Variants in PDS5B observed in about 807,000 individuals in gnomAD.
PDS5B encodes the protein PDS5 cohesin associated factor B.
Under a neutral mutation model 184.1 loss-of-function variants are expected in PDS5B, and 51 were observed. The ratio of observed to expected loss-of-function variants is 0.28; its 90% CI spans 0.22 to 0.35. The LOEUF is 0.35. PDS5B is among the 10% of genes least tolerant of loss of function. The probability of loss-of-function intolerance (pLI) is 1.00; values close to 1 mark genes in which losing one functional copy is unlikely to be tolerated. For synonymous variants in PDS5B, 566 were observed against 569.2 expected, an observed-to-expected ratio of 0.99 and a Z score of 0.08; for missense variants, 1,180 against 1,723.3, an observed-to-expected ratio of 0.68 and a Z score of 5.58.
At chr13:32,610,381 A>T (rs935180972) in intron 1 of PDS5B, among the ~76,000 whole-genome samples, 3 of 152,232 alleles carry the variant, frequency 2.0e-5, no homozygotes, top group Non-Finnish European at 4.4e-5. Flanking sequence ...AAAATACCCT[A>T]TGTAAAGTGC....
intron 19 of PDS5B, among the ~76,000 whole-genome samples, chr13:32,713,795 G>T (rs895312324): frequency 6.6e-6 from 1 of 152,112 alleles, no homozygotes; most frequent in Non-Finnish European, 1.5e-5. Context: ...TGAATCTGGA[G>T]GTGAAGACTC....
chr13:32,659,275 C>G lies in PDS5B; in HGVS notation c.619C>G (p.His207Asp). Residue 207 changes from histidine to aspartate, a missense_variant, in exon 6 of 35, where the codon CAT (histidine) becomes GAT (aspartate). By Grantham distance (81) the His-to-Asp change is moderately conservative. Around this residue, in one of 11 missense-constraint regions of PDS5B, gnomAD observed 79 missense variants for 124.6 expected, o/e 0.63. Transcript: ENST00000315596. ...GGTTTTAGTAAATCTGGTACCTGCT[C>G]ATAAGGTGAGTAGCAATGTATACTG... is the stretch of plus-strand genomic sequence containing the variant. ...DTVLVNLVPA[H>D]KNLNKQAYDL... 1 of 1,583,822 alleles carries G rather than the reference C, an allele frequency of 6.3e-7. No individual in the cohort carries two copies. The highest frequency in any genetic ancestry group is 8.6e-7 in the Non-Finnish European group (1 of 1,160,804).
At chr13:32,766,440 G>C (rs1335124912) in intron 31 of PDS5B, among the ~76,000 whole-genome samples, 1 of 152,176 alleles carries the variant, frequency 6.6e-6, no homozygotes, top group African/African-American at 2.4e-5. Flanking sequence ...TTTGCTATTT[G>C]TTGTGGCATG....
chr13:32,597,347 A>G lies in PDS5B; in HGVS notation c.-20+10754A>G, dbSNP rs571278619. 2.0e-5 allele frequency among the ~76,000 whole-genome samples: 3 copies of G among 151,658 alleles called. No homozygotes were observed. In the South Asian group the frequency reaches 6.2e-4, roughly 32 times the overall value. ...CATGAGCCAGTGTGCCTGGCCCTTTAATTTCTTTTTCACATGTTATTGCAG... is the reference window on the plus strand; with the variant it reads ...CATGAGCCAGTGTGCCTGGCCCTTTGATTTCTTTTTCACATGTTATTGCAG... On this transcript the variant is annotated intron_variant, in intron 1 of 34. Transcript: ENST00000315596.
chr13:32,733,985 A>AACACCCACACACACAC lies in PDS5B; in HGVS notation c.2248-1183_2248-1182insCCACACACACACACAC, dbSNP rs1555312859. ...TCACCCTTCTGATTTCAAAAATTAA[A>AACACCCACACACACAC]ACACACACACACACACACACACACA... is the stretch of plus-strand genomic sequence containing the variant. On this transcript the variant is annotated intron_variant, in intron 20 of 34. Coordinates refer to ENST00000315596, the MANE Select transcript of PDS5B (RefSeq NM_015032.4). 1.2e-3 allele frequency among the ~76,000 whole-genome samples: 167 copies of AACACCCACACACACAC among 142,050 alleles called. 1 individual carries two copies. Among genetic ancestry groups the AACACCCACACACACAC allele is most frequent in the African/African-American group, 4.6e-3 (163 of 35,452 alleles). 93.2% of individuals were successfully genotyped at this position (142,050 alleles called of 152,430 possible).
chr13:32,760,913 G>A (rs1461907277), intron 30 of PDS5B, among the ~76,000 whole-genome samples, 193 bp downstream of exon 30: 1 of 152,154 alleles, frequency 6.6e-6, no homozygotes, highest in Non-Finnish European at 1.5e-5. Context: ...CTCTGTCTTA[G>A]TCTTTCATTC....
chr13:32,740,511 T>G (rs1023334822), intron 21 of PDS5B, among the ~76,000 whole-genome samples: 2 of 152,116 alleles, frequency 1.3e-5, no homozygotes, highest in South Asian at 4.1e-4. Context: ...TTCTTTGACC[T>G]GAGGGTAAAA....
intron 1 of PDS5B, among the ~76,000 whole-genome samples, chr13:32,604,885 T>C (rs2058036332): frequency 6.6e-6 from 1 of 152,230 alleles, no homozygotes; most frequent in Admixed American, 6.5e-5. Flanking sequence ...TATTCTCTGA[T>C]GGTAGTTTGT....
intron 1 of PDS5B, among the ~76,000 whole-genome samples, chr13:32,594,884 T>C (rs1361100106): frequency 2.0e-5 from 3 of 152,186 alleles, no homozygotes; most frequent in Non-Finnish European, 4.4e-5. Context: ...CGTTTTGATA[T>C]AGTTGCTTTT....
At chr13:32,758,510 G>T (rs3752474) in intron 27 of PDS5B, 24 bp from the exon 28 acceptor site, 663,989 of 1,593,656 alleles carry the variant, frequency 0.42, 143,528 homozygotes, top group Non-Finnish European at 0.45. Context: ...AAGTATCTGT[G>T]TTTTTAAAAA....
chr13:32,761,196 A>G (rs1954382396), intron 30 of PDS5B, among the ~76,000 whole-genome samples: 1 of 152,200 alleles, frequency 6.6e-6, no homozygotes, highest in African/African-American at 2.4e-5. Flanking sequence ...GTTTTTTTGA[A>G]GAATATGCAA....
Position 32,770,070 on chromosome 13 carries a change from T to C in PDS5B, c.3625-51T>C, listed in dbSNP as rs761800287. On this transcript the variant is annotated intron_variant, in intron 31 of 34. Coordinates refer to ENST00000315596, the MANE Select transcript of PDS5B (RefSeq NM_015032.4). ...TTTTTTTGTTTCATTCCTCAAAATA[T>C]GTATACTCACAATTTCATAACCATA... 11 of 1,506,066 alleles carry C rather than the reference T, an allele frequency of 7.3e-6. No homozygotes were observed. In the Middle Eastern group the frequency reaches 5.4e-4, roughly 74 times the overall value. 93.3% of individuals were successfully genotyped at this position (1,506,066 alleles called of 1,614,324 possible).
At chr13:32,748,870 A>T (rs1431143966) in intron 24 of PDS5B, among the ~76,000 whole-genome samples, 1 of 152,162 alleles carries the variant, frequency 6.6e-6, no homozygotes, top group East Asian at 1.9e-4. Context: ...CAAAGTACAG[A>T]TAATTCTGTC....
At chr13:32,681,402 T>C (rs535661603) in intron 10 of PDS5B, among the ~76,000 whole-genome samples, 15 of 152,198 alleles carry the variant, frequency 9.9e-5, no homozygotes, top group African/African-American at 3.6e-4. Flanking sequence ...GCGGGCAGAT[T>C]GCTTGAGGTC....
intron 6 of PDS5B, among the ~76,000 whole-genome samples, chr13:32,662,421 C>T (rs1950674624): frequency 6.6e-6 from 1 of 151,072 alleles, no homozygotes; most frequent in Admixed American, 6.6e-5. Context: ...GGATTTGAAA[C>T]AAAACTACTA....
intron 6 of PDS5B, among the ~76,000 whole-genome samples, chr13:32,665,032 ATCAG>A (rs979627140): frequency 1.3e-5 from 2 of 152,178 alleles, no homozygotes; most frequent in African/African-American, 4.8e-5. Context: ...TTTGGCTATA[ATCAG>A]TCAGTGATAG....
intron 1 of PDS5B, among the ~76,000 whole-genome samples, chr13:32,600,808 G>A (rs1325213942): frequency 6.6e-6 from 1 of 152,206 alleles, no homozygotes; most frequent in Admixed American, 6.5e-5. Context: ...AAGCTCATGT[G>A]TTCTCCGCAG....
chr13:32,643,495 T>C (rs1237320136), intron 1 of PDS5B, among the ~76,000 whole-genome samples: 1 of 152,186 alleles, frequency 6.6e-6, no homozygotes, highest in African/African-American at 2.4e-5. Context: ...CTCTGCTCTT[T>C]CCTGTTATCG....
At chr13:32,707,568 T>C (rs150215866) in intron 18 of PDS5B, among the ~76,000 whole-genome samples, 1,775 of 149,686 alleles carry the variant, frequency 0.012, 39 homozygotes, top group African/African-American at 0.041. Flanking sequence ...TTTCCCTTAT[T>C]AAAGTATAAG....
Sources: allele counts gnomAD v4.1 joint callset (sites outside exome capture counted in the v4.1 genomes callset), GRCh38; gene constraint gnomAD v4.1.1; regional missense constraint gnomAD v4.1.1; transcripts MANE v1.5; gene names NCBI Gene and HGNC (gene_info 2026-07-23, HGNC 2026-07-21).